CUX1: variants seen among roughly 807,000 people sequenced by gnomAD.
The protein encoded by CUX1 is protein CASP.
CUX1 carries 31 observed loss-of-function variants against 158.8 expected under a neutral mutation model. That is an observed-to-expected ratio of 0.20 (90% CI 0.15 to 0.26). The LOEUF is 0.26. Among genes scored for constraint, CUX1 ranks in the 10% least tolerant of loss-of-function variants. The pLI, the probability that CUX1 is intolerant of heterozygous loss-of-function variation, is 1.00. For missense variants in CUX1, 1,589 were observed against 2,014.6 expected (o/e 0.79, Z 4.04); for synonymous variants, 879 against 862.1 (o/e 1.02, Z -0.34).
intron 2 of CUX1, among the ~76,000 whole-genome samples, chr7:101,955,550 C>T (rs772239339): frequency 3.9e-5 from 6 of 152,186 alleles, no homozygotes; most frequent in African/African-American, 1.4e-4. Flanking sequence ...ACCCACTTCC[C>T]CACTTCTGCA....
intron 2 of CUX1, among the ~76,000 whole-genome samples, chr7:102,019,292 A>G (rs1189922560): frequency 6.6e-6 from 1 of 152,064 alleles, no homozygotes; most frequent in Non-Finnish European, 1.5e-5. Context: ...CAGTGGCACA[A>G]TCTCGGCTCA....
chr7:102,267,690 A>G (rs1790911563), intron 14 of CUX1, among the ~76,000 whole-genome samples: 1 of 152,194 alleles, frequency 6.6e-6, no homozygotes, highest in African/African-American at 2.4e-5. Context: ...AGAGAGGGAC[A>G]GGGTCTTGCT....
intron 14 of CUX1, among the ~76,000 whole-genome samples, chr7:102,269,567 G>C (rs943954688): frequency 7.3e-6 from 1 of 137,318 alleles, no homozygotes; most frequent in African/African-American, 2.7e-5. Flanking sequence ...CACCATGCCC[G>C]GCTAATTTTT....
chr7:101,982,705 G>A (rs1813589043), intron 2 of CUX1, among the ~76,000 whole-genome samples: 1 of 152,074 alleles, frequency 6.6e-6, no homozygotes, highest in African/African-American at 2.4e-5. Flanking sequence ...GGGATTACAG[G>A]TGTGAGCCAA....
At chr7:102,012,314 A>G (rs1432668764) in intron 2 of CUX1, among the ~76,000 whole-genome samples, 3 of 151,884 alleles carry the variant, frequency 2.0e-5, no homozygotes, top group Admixed American at 1.3e-4. Context: ...CAGCCTCCCA[A>G]GTAGCTGGGA....
chr7:101,855,900 C>T (rs564234574), intron 1 of CUX1, among the ~76,000 whole-genome samples: 4 of 137,346 alleles, frequency 2.9e-5, no homozygotes, highest in East Asian at 2.1e-4. Flanking sequence ...AAAAATGCAG[C>T]TTAAGTGCTG....
chr7:101,825,798 T>TGTGTGTGTGTGTGC (rs1362738281), intron 1 of CUX1, among the ~76,000 whole-genome samples: 12 of 78,336 alleles, frequency 1.5e-4, no homozygotes, highest in Admixed American at 2.5e-4. Context: ...TGTGTGTGTG[T>TGTGTGTGTGTGTGC]GCGCGCGCGC....
chr7:102,046,223 G>C (rs868022296), intron 3 of CUX1, among the ~76,000 whole-genome samples: 1 of 152,162 alleles, frequency 6.6e-6, no homozygotes, highest in East Asian at 1.9e-4. Flanking sequence ...GAAACCCCAG[G>C]ACTTACCCAA....
chr7:101,861,263 C>G (rs911782405), intron 1 of CUX1, among the ~76,000 whole-genome samples: 43 of 152,292 alleles, frequency 2.8e-4, no homozygotes, highest in African/African-American at 9.9e-4. Context: ...ACGCATACTC[C>G]TGGTCACTTT....
chr7:102,215,691 G>A (rs1554524363), intron 20 of CUX1, among the ~76,000 whole-genome samples: 2 of 152,240 alleles, frequency 1.3e-5, no homozygotes, highest in Non-Finnish European at 2.9e-5. Flanking sequence ...ACTTGGTTCT[G>A]CCCGGGTCTT....
At chr7:102,187,319 A>G (rs1275084935) in intron 11 of CUX1, among the ~76,000 whole-genome samples, 1 of 152,074 alleles carries the variant, frequency 6.6e-6, no homozygotes, top group Non-Finnish European at 1.5e-5. Flanking sequence ...ACATAGTGTG[A>G]CCTCGTCACT....
In CUX1 at chr7:102,170,493, C is replaced by T. The variant is rs370842930; in HGVS notation, c.771C>T (p.Leu257=). ...QREAETLREQ[L]SSANHSLQLA... is the part of the protein sequence containing the mutation. Reference sequence around the variant, plus strand: ...AGGCGGAGACCTTAAGGGAACAGCTCTCATCGGCCAATCACTCCCTCCAGC... The same window carrying T: ...AGGCGGAGACCTTAAGGGAACAGCTTTCATCGGCCAATCACTCCCTCCAGC... The change falls in exon 10 of 24, where the codon CTC becomes CTT. Residue 257 remains leucine (L), a synonymous_variant. Coordinates refer to ENST00000292535, the MANE Select transcript of CUX1 (RefSeq NM_181552.4). The T allele has an allele frequency of 1.3e-6, 2 of 1,594,132 alleles. No individual in the cohort carries two copies. The highest frequency in any genetic ancestry group is 1.1e-5 in the South Asian group (1 of 87,508).
chr7:102,160,156 A>AT lies in CUX1; in HGVS notation c.723+1549dup, dbSNP rs1790275111. On this transcript the variant is annotated intron_variant, in intron 9 of 23. Coordinates refer to ENST00000292535, the MANE Select transcript of CUX1 (RefSeq NM_181552.4). ...ATCATGCCACCATACTCCAGCTTGG[A>AT]TGACAGAGCGAGAATCTGTCTAAAA... Among the ~76,000 whole-genome samples the AT allele has an allele frequency of 2.0e-5, 3 of 151,400 alleles. No homozygotes were observed. In the South Asian group the frequency reaches 6.3e-4, roughly 32 times the overall value.
intron 14 of CUX1, among the ~76,000 whole-genome samples, chr7:102,265,656 C>G (rs976103599): frequency 9.2e-5 from 14 of 152,026 alleles, no homozygotes; most frequent in Non-Finnish European, 1.6e-4. Context: ...TGGTCTCAAA[C>G]TCCTGGACTC....
chr7:101,849,360 GT>G (rs1796032098), intron 1 of CUX1, among the ~76,000 whole-genome samples: 1 of 150,940 alleles, frequency 6.6e-6, no homozygotes, highest in Non-Finnish European at 1.5e-5. Context: ...GCCCCAGTGT[GT>G]TTTTCCCCCC....
At chr7:102,222,053 G>T (rs1388897471) in intron 20 of CUX1, among the ~76,000 whole-genome samples, 3 of 152,084 alleles carry the variant, frequency 2.0e-5, no homozygotes, top group Non-Finnish European at 4.4e-5. Context: ...GAGCCCAGGA[G>T]TTCGAGACCA....
intron 2 of CUX1, among the ~76,000 whole-genome samples, chr7:101,998,833 C>A (rs376970430): frequency 6.6e-6 from 1 of 152,296 alleles, no homozygotes; most frequent in Non-Finnish European, 1.5e-5. Context: ...CTCTCTTCGT[C>A]GCTTTCTTAA....
chr7:102,176,170 T>C (rs1480176169), intron 10 of CUX1, among the ~76,000 whole-genome samples: 16 of 152,346 alleles, frequency 1.1e-4, no homozygotes, highest in Admixed American at 9.8e-4. Flanking sequence ...ACACAAAACT[T>C]TACAGACTTA....
At chr7:101,936,699 A>T (rs543917715) in intron 2 of CUX1, among the ~76,000 whole-genome samples, 1 of 152,208 alleles carries the variant, frequency 6.6e-6, no homozygotes, top group African/African-American at 2.4e-5. Context: ...CAGCGGAGGA[A>T]ACTGCCCAGG....
Sources: gnomAD v4.1 joint callset for allele counts (sites outside exome capture counted in the v4.1 genomes callset) on GRCh38, gnomAD v4.1.1 for gene constraint, MANE v1.5 for transcripts, NCBI Gene and HGNC (gene_info 2026-07-23, HGNC 2026-07-21) for gene names.